Variants in BRD8 observed in about 807,000 individuals in gnomAD.
The protein encoded by BRD8 is bromodomain containing 8.
Under a neutral mutation model 143.1 loss-of-function variants are expected in BRD8, and 67 were observed. That is an observed-to-expected ratio of 0.47 (90% CI 0.38 to 0.57). BRD8 has a LOEUF of 0.57. Ranked by LOEUF, BRD8 falls within the 20% of genes least tolerant of loss-of-function variation. BRD8 has a pLI of 0.00. For missense variants in BRD8, 1,103 were observed against 1,503.0 expected (o/e 0.73, Z 4.40); for synonymous variants, 505 against 517.1 (o/e 0.98, Z 0.32).
chr5:138,170,205 G>A lies in BRD8; in HGVS notation c.505+140C>T, dbSNP rs137960107. On this transcript the variant is annotated intron_variant, in intron 7 of 26. Coordinates refer to ENST00000254900, the MANE Select transcript of BRD8 (RefSeq NM_139199.2). ...TAGGAGTTTCTTCTTAAGACATTAA[G>A]GGATGTTTTTATTCTGGTAGAAGAG... The A allele has an allele frequency of 3.3e-3, 2,200 of 674,082 alleles. 11 individuals are homozygous for A. Among genetic ancestry groups the A allele is most frequent in the Non-Finnish European group, 4.7e-3 (1,804 of 381,456 alleles). The allele number at this position is 674,082 out of a possible 1,614,324, so 41.8% of individuals were successfully genotyped here.
At chr5:138,172,665 C>CAAAAAAAAAAA in intron 2 of BRD8, 1 of 214,494 alleles carries the variant, frequency 4.7e-6, no homozygotes, top group South Asian at 2.5e-5. Flanking sequence ...CCCATCCCTA[C>CAAAAAAAAAAA]AAAAAAAAAA....
At chr5:138,151,132 T>A in intron 21 of BRD8, 124 bp from the exon 22 acceptor site, 1 of 1,276,476 alleles carries the variant, frequency 7.8e-7, no homozygotes, top group Non-Finnish European at 1.1e-6. Flanking sequence ...ATGGTTTAAT[T>A]AATACAATCA....
intron 6 of BRD8, 51 bp downstream of exon 6, chr5:138,170,781 A>T (rs1352721401): frequency 2.7e-6 from 4 of 1,497,034 alleles, no homozygotes; most frequent in Non-Finnish European, 3.7e-6. Flanking sequence ...ACTTGAGGGG[A>T]AAAGAGGGTA....
chr5:138,157,056 C>A, intron 20 of BRD8: 1 of 1,502,732 alleles, frequency 6.7e-7, no homozygotes, highest in Non-Finnish European at 8.8e-7. Flanking sequence ...TGTGCTACTC[C>A]AACTCTCTAA....
intron 20 of BRD8, among the ~76,000 whole-genome samples, chr5:138,153,679 T>TTTC (rs1561602332): frequency 1.1e-4 from 15 of 137,042 alleles, no homozygotes; most frequent in African/African-American, 3.0e-4. Context: ...TTTTCTTTTT[T>TTTC]TTTTTTTTTT....
rs1281556791 is a variant in BRD8 at position 138,157,018 on chromosome 5, C to A, written c.2577+2537G>T. 3.6e-5 allele frequency: 52 copies of A among 1,434,252 alleles called. No homozygotes were observed. The East Asian group carries it at 1.3e-3, about 35-fold the overall frequency. 88.8% of individuals were successfully genotyped at this position (1,434,252 alleles called of 1,614,324 possible). On this transcript the variant is annotated intron_variant, in intron 20 of 26. Coordinates refer to ENST00000254900, the MANE Select transcript of BRD8 (RefSeq NM_139199.2). ...CTACACATTAGGACATTAACATAGC[C>A]CATGGTTTCTGCCCTAAAACAGGCA...
rs190360390 is a variant in BRD8, at chr5:138,155,540, G to A, written c.2578-2780C>T. ...TTAACAGAAGTTGGAATTGAACTGAGATTTTAAATTTAGGGGTGTTTTTTC... is the reference window on the plus strand; with the variant it reads ...TTAACAGAAGTTGGAATTGAACTGAAATTTTAAATTTAGGGGTGTTTTTTC... On this transcript the variant is annotated intron_variant, in intron 20 of 26. Coordinates refer to ENST00000254900, the MANE Select transcript of BRD8 (RefSeq NM_139199.2). Among the ~76,000 whole-genome samples the A allele has an allele frequency of 4.0e-4, 60 of 151,594 alleles. No individual in the cohort carries two copies. In the South Asian group the frequency reaches 8.4e-3, roughly 21 times the overall value.
intron 7 of BRD8, among the ~76,000 whole-genome samples, 173 bp downstream of exon 7, chr5:138,170,172 G>A (rs904850824): frequency 2.0e-5 from 3 of 152,162 alleles, no homozygotes; most frequent in Non-Finnish European, 4.4e-5. Flanking sequence ...TGAGCACAAC[G>A]CATGTTCTAG....
intron 13 of BRD8, 74 bp downstream of exon 13, chr5:138,164,246 A>T: frequency 6.3e-7 from 1 of 1,575,974 alleles, no homozygotes; most frequent in Non-Finnish European, 8.7e-7. Context: ...TACCTCCTCT[A>T]CTTGCCCACA....
intron 3 of BRD8, 34 bp from the exon 4 acceptor site, chr5:138,171,444 T>C (rs1354244114): frequency 1.5e-6 from 2 of 1,329,530 alleles, no homozygotes; most frequent in South Asian, 2.4e-5. Flanking sequence ...GAAAATGTGA[T>C]GAGCAAGGCT....
At chr5:138,161,887 A>G in intron 16 of BRD8, 23 bp from the exon 17 acceptor site, 1 of 1,613,028 alleles carries the variant, frequency 6.2e-7, no homozygotes, top group Non-Finnish European at 8.5e-7. Context: ...AATAAGGTGC[A>G]ATTACTGACA....
intron 20 of BRD8, chr5:138,157,544 C>A: frequency 4.5e-6 from 2 of 442,020 alleles, no homozygotes; most frequent in Non-Finnish European, 8.2e-6. Context: ...ATTAGTCATC[C>A]CACCCAGGCC....
Position 138,151,022 on chromosome 5 carries a change from TTATTATTAGA to T in BRD8, c.2857-24_2857-15del, listed in dbSNP as rs766717097. ...TAAATAAGCTACCTGCAATCAAAGT[TTATTATTAGA>T]TGCACAGGAACACCACTGAAAATCA... On this transcript the variant is annotated splice_polypyrimidine_tract_variant and intron_variant, in intron 21 of 26. Transcript: ENST00000254900. 5.6e-6 allele frequency: 9 copies of T among 1,606,502 alleles called. No homozygotes were observed. Among genetic ancestry groups the T allele is most frequent in the Non-Finnish European group, 7.6e-6 (9 of 1,178,966 alleles).
intron 9 of BRD8, 33 bp from the exon 10 acceptor site, chr5:138,166,760 A>G (rs1392091996): frequency 7.6e-7 from 1 of 1,312,166 alleles, no homozygotes; most frequent in East Asian, 2.3e-5. Context: ...AAATGAAGTA[A>G]GAAGAAAGCA....
At chr5:138,145,152 C>T (rs756566163) in intron 25 of BRD8, 25 bp downstream of exon 25, 4 of 1,594,372 alleles carry the variant, frequency 2.5e-6, no homozygotes, top group Non-Finnish European at 3.4e-6. Flanking sequence ...AGCAACCAAC[C>T]TTTCTTGACC....
In BRD8 at chr5:138,170,506, C is replaced by T. The variant is rs145755481; in HGVS notation, c.441-97G>A. 6 of 1,346,294 alleles carry T rather than the reference C, an allele frequency of 4.5e-6. No homozygotes were observed. The East Asian group carries it at 9.2e-5, about 21-fold the overall frequency. 83.4% of individuals were successfully genotyped at this position (1,346,294 alleles called of 1,614,324 possible). A position where few individuals can be genotyped will look rare whatever the true frequency, so the allele number is the denominator to read the frequency against. ...AGTAATTTTTTTTGCCAGGCCAGCACTTTCTGGAAGAAAGGCCTAAACAGG... is the reference window on the plus strand; with the variant it reads ...AGTAATTTTTTTTGCCAGGCCAGCATTTTCTGGAAGAAAGGCCTAAACAGG... On this transcript the variant is annotated intron_variant, in intron 6 of 26. Coordinates refer to ENST00000254900, the MANE Select transcript of BRD8 (RefSeq NM_139199.2).
chr5:138,146,531 G>A (rs1363611939), intron 23 of BRD8, among the ~76,000 whole-genome samples: 1 of 151,250 alleles, frequency 6.6e-6, no homozygotes, highest in Non-Finnish European at 1.5e-5. Flanking sequence ...GCTAATTTCT[G>A]TATTTGTTGT....
At position 138,163,192 on chromosome 5, in the gene BRD8, A is replaced by G. The variant is rs760305296; in HGVS notation, c.2025T>C (p.Asn675=). 1.6e-5 allele frequency: 26 copies of G among 1,613,960 alleles called. No homozygotes were observed. Among genetic ancestry groups the G allele is most frequent in the Non-Finnish European group, 2.1e-5 (25 of 1,180,030 alleles). The part of the protein sequence containing the change: ...SESDDGFSIH[N]ATLQSHTLAD... Reference sequence around the variant, plus strand: ...CCAGTGTGTGTGACTGCAGTGTAGCATTGTGTATGCTGAAGCCATCATCAC... The same window carrying G: ...CCAGTGTGTGTGACTGCAGTGTAGCGTTGTGTATGCTGAAGCCATCATCAC... Residue 675 remains asparagine (N), a synonymous_variant, in exon 15 of 27, where the codon AAT becomes AAC. Transcript: ENST00000254900.
chr5:138,166,437 C>G, intron 10 of BRD8, 81 bp downstream of exon 10: 1 of 819,088 alleles, frequency 1.2e-6, no homozygotes, highest in South Asian at 1.8e-5. Context: ...GCATCTGAAT[C>G]GGAGCTGATG....
Sources: allele counts gnomAD v4.1 joint callset (sites outside exome capture counted in the v4.1 genomes callset), GRCh38; gene constraint gnomAD v4.1.1; transcripts MANE v1.5; gene names NCBI Gene and HGNC (gene_info 2026-07-23, HGNC 2026-07-21).